The following HAAO variants were observed in gnomAD, a reference collection of about 807,000 sequenced individuals.
The protein encoded by HAAO is 3-hydroxyanthranilate oxygenase.
HAAO carries 49 observed loss-of-function variants against 46.2 expected under a neutral mutation model. The observed-to-expected ratio is 1.06, with a 90% CI of 0.84 to 1.34. The LOEUF is 1.34. HAAO is among the 40% of genes most tolerant of loss of function. The pLI, the probability that HAAO is intolerant of heterozygous loss-of-function variation, is 0.00. For missense variants in HAAO, 408 were observed against 364.5 expected (o/e 1.12, Z -0.97); for synonymous variants, 157 against 145.2 (o/e 1.08, Z -0.58).
chr2:42,783,949 C>A, intron 2 of HAAO, 82 bp from the exon 3 acceptor site: 1 of 1,544,308 alleles, frequency 6.5e-7, no homozygotes, highest in Non-Finnish European at 8.8e-7. Flanking sequence ...GAATTCTGAC[C>A]GGGAAACCTG....
At chr2:42,790,936 A>T (rs1672750624) in intron 1 of HAAO, among the ~76,000 whole-genome samples, 1 of 152,148 alleles carries the variant, frequency 6.6e-6, no homozygotes, top group African/African-American at 2.4e-5. Flanking sequence ...ATCAGTCAGA[A>T]TGCATAAACC....
At chr2:42,785,473 C>T (rs983805620) in intron 2 of HAAO, among the ~76,000 whole-genome samples, 6 of 152,324 alleles carry the variant, frequency 3.9e-5, no homozygotes, top group Admixed American at 3.9e-4. Flanking sequence ...AGCCTGTTCA[C>T]AGCGGCCCTC....
At chr2:42,767,719 C>T (rs1368985074) in intron 8 of HAAO, 42 bp from the exon 9 acceptor site, 2 of 1,547,614 alleles carry the variant, frequency 1.3e-6, no homozygotes, top group Non-Finnish European at 1.8e-6. Context: ...GACTGTTGGG[C>T]CTCATCACCT....
chr2:42,780,732 C>G (rs1352104702), intron 4 of HAAO, among the ~76,000 whole-genome samples: 4 of 151,116 alleles, frequency 2.6e-5, no homozygotes, highest in African/African-American at 9.7e-5. Flanking sequence ...TTTTCAGAGT[C>G]AAGGAAACTT....
chr2:42,770,254 A>G (rs1384252633), intron 5 of HAAO, 68 bp from the exon 6 acceptor site: 2 of 1,321,492 alleles, frequency 1.5e-6, no homozygotes, highest in Non-Finnish European at 2.1e-6. Flanking sequence ...CGACACACAC[A>G]TACACCACAC....
chr2:42,783,902 C>T (rs757782814), intron 2 of HAAO, 35 bp from the exon 3 acceptor site: 1 of 1,584,778 alleles, frequency 6.3e-7, no homozygotes, highest in Non-Finnish European at 8.6e-7. Flanking sequence ...ACCCTCCGCA[C>T]TTTCTCTTCC....
intron 4 of HAAO, among the ~76,000 whole-genome samples, chr2:42,776,231 C>CTTTTTT (rs57398023): frequency 4.1e-4 from 29 of 71,212 alleles, no homozygotes; most frequent in African/African-American, 9.8e-4. Flanking sequence ...TGGCATCCAT[C>CTTTTTT]TTTTTTTTTT....
At chr2:42,778,551 A>C (rs55833068) in intron 4 of HAAO, among the ~76,000 whole-genome samples, 54,840 of 151,680 alleles carry the variant, frequency 0.36, 10,708 homozygotes, top group African/African-American at 0.48. Context: ...GGCTGGTCTG[A>C]AACTCTGACC....
chr2:42,768,864 T>C (rs1670867933), intron 7 of HAAO, among the ~76,000 whole-genome samples: 1 of 152,118 alleles, frequency 6.6e-6, no homozygotes, highest in African/African-American at 2.4e-5. Flanking sequence ...CAGTCACACT[T>C]GTACCCCCAC....
Position 42,767,266 on chromosome 2 carries a change from T to C in HAAO, c.*171A>G. The C allele has an allele frequency of 1.6e-6, 1 of 629,344 alleles. No homozygotes were observed. The highest frequency in any genetic ancestry group is 2.9e-6 in the Non-Finnish European group (1 of 346,770). 39.0% of individuals were successfully genotyped at this position (629,344 alleles called of 1,614,324 possible). A position where few individuals can be genotyped will look rare whatever the true frequency, so the allele number is the denominator to read the frequency against. On this transcript the variant is annotated 3_prime_UTR_variant, in exon 10 of 10. Coordinates refer to ENST00000294973, the MANE Select transcript of HAAO (RefSeq NM_012205.3). ...GGGAGCTGCTGCCCGCCCAGGGGCATGGCATCTGGGCTGAGAAGGGCAGGA... is the reference window on the plus strand; with the variant it reads ...GGGAGCTGCTGCCCGCCCAGGGGCACGGCATCTGGGCTGAGAAGGGCAGGA...
rs1452469885 is a variant in HAAO, at chr2:42,786,689, C to A, written c.159+1840G>T. Among the ~76,000 whole-genome samples, 3 of 152,268 alleles carry A rather than the reference C, an allele frequency of 2.0e-5. No individual in the cohort carries two copies. In the East Asian group the frequency reaches 5.8e-4, roughly 29 times the overall value. On this transcript the variant is annotated intron_variant, in intron 2 of 9. Transcript: ENST00000294973. Reference sequence around the variant, plus strand: ...TGCAAGTTCATCTGCCTCTGGCCCCCCTGCACCTGCACGCTCCAAGAAAGG... The same window carrying A: ...TGCAAGTTCATCTGCCTCTGGCCCCACTGCACCTGCACGCTCCAAGAAAGG...
intron 2 of HAAO, among the ~76,000 whole-genome samples, chr2:42,788,143 C>G (rs892071993): frequency 6.6e-6 from 1 of 152,216 alleles, no homozygotes; most frequent in Non-Finnish European, 1.5e-5. Flanking sequence ...ACTTTGCCCC[C>G]GTCTGCGGGG....
chr2:42,780,814 T>A (rs1285583197), intron 4 of HAAO, among the ~76,000 whole-genome samples: 1 of 150,382 alleles, frequency 6.6e-6, no homozygotes, highest in African/African-American at 2.5e-5. Context: ...ATGCCTATAA[T>A]CCCAGCACTT....
chr2:42,773,705 G>A (rs920127484), intron 4 of HAAO, among the ~76,000 whole-genome samples: 2 of 150,692 alleles, frequency 1.3e-5, no homozygotes, highest in African/African-American at 4.9e-5. Context: ...TCCTGCCCCA[G>A]CCTCCCAAGT....
chr2:42,790,532 GT>G (rs377653350), intron 1 of HAAO, among the ~76,000 whole-genome samples: 7 of 146,880 alleles, frequency 4.8e-5, no homozygotes, highest in Non-Finnish European at 7.5e-5. Context: ...TGGAAAGTTT[GT>G]TTTTTTTTTT....
At chr2:42,771,386 C>T (rs576955245) in intron 4 of HAAO, among the ~76,000 whole-genome samples, 3 of 151,196 alleles carry the variant, frequency 2.0e-5, no homozygotes, top group Admixed American at 1.3e-4. Flanking sequence ...AAGATTGCAC[C>T]GCCGCATTCC....
chr2:42,775,914 A>T (rs1671532535), intron 4 of HAAO, among the ~76,000 whole-genome samples: 1 of 108,210 alleles, frequency 9.2e-6, no homozygotes. Flanking sequence ...GGTTACTCTT[A>T]CTCTTGAGTT....
chr2:42,782,901 C>G (rs906815657), intron 4 of HAAO: 5 of 460,888 alleles, frequency 1.1e-5, no homozygotes, highest in African/African-American at 1.0e-4. Context: ...TGTATAAAGC[C>G]GAGCTGTGCT....
Position 42,768,209 on chromosome 2 carries a change from ATGCTCACCAGGG to A in HAAO, c.631-293_631-282del, listed in dbSNP as rs1248850746. ...CTCTGATGTGTGCTCATGCGAAGGC[ATGCTCACCAGGG>A]CACATGAGGGACGCATTTCCATCAG... On this transcript the variant is annotated intron_variant, in intron 7 of 9. Transcript: ENST00000294973. Among the ~76,000 whole-genome samples, 73 of 152,356 alleles carry A rather than the reference ATGCTCACCAGGG, an allele frequency of 4.8e-4. 1 individual carries two copies. The highest frequency in any genetic ancestry group is 1.7e-3 in the African/African-American group (72 of 41,580).
Sources: gnomAD v4.1 joint callset for allele counts (sites outside exome capture counted in the v4.1 genomes callset) on GRCh38, gnomAD v4.1.1 for gene constraint, MANE v1.5 for transcripts, NCBI Gene and HGNC (gene_info 2026-07-23, HGNC 2026-07-21) for gene names.